NUDCD3: variants seen among roughly 807,000 people sequenced by gnomAD.
NUDCD3 encodes nudC domain-containing protein 3.
Under a neutral mutation model 39.7 loss-of-function variants are expected in NUDCD3, and 13 were observed. That is an observed-to-expected ratio of 0.33 (90% confidence interval 0.21 to 0.52). NUDCD3 has a LOEUF of 0.52. Among genes scored for constraint, NUDCD3 ranks in the 20% least tolerant of loss-of-function variants. NUDCD3 has a pLI of 0.96. For synonymous variants in NUDCD3, 175 were observed against 172.4 expected, an observed-to-expected ratio of 1.02 and a Z score of -0.12; for missense variants, 453 against 458.1, an observed-to-expected ratio of 0.99 and a Z score of 0.10.
At chr7:44,413,782 G>A (rs943640028) in intron 3 of NUDCD3, among the ~76,000 whole-genome samples, 5 of 152,186 alleles carry the variant, frequency 3.3e-5, no homozygotes, top group African/African-American at 1.2e-4. Context: ...GCCGGGTGTG[G>A]TGGCTCACGC....
intron 4 of NUDCD3, among the ~76,000 whole-genome samples, chr7:44,395,908 T>G (rs1034994076): frequency 1.3e-5 from 2 of 152,250 alleles, no homozygotes; most frequent in Non-Finnish European, 2.9e-5. Flanking sequence ...TTTGAGTCCC[T>G]GTTTTCAATT....
At chr7:44,390,060 A>G (rs976466338) in intron 5 of NUDCD3, among the ~76,000 whole-genome samples, 7 of 152,154 alleles carry the variant, frequency 4.6e-5, no homozygotes, top group Non-Finnish European at 1.0e-4. Context: ...TCATGCCTCA[A>G]CAGCTAAAGT....
rs972056439 is a variant in NUDCD3, at chr7:44,450,209, G to A, written c.510-22506C>T. Among the ~76,000 whole-genome samples, 5 of 149,100 alleles carry A rather than the reference G, an allele frequency of 3.4e-5. No homozygotes were observed. The South Asian group carries it at 8.5e-4, about 25-fold the overall frequency. Reference sequence around the variant, plus strand: ...TTTTTTTTTTTTGACACAGAGTCTCGCTTTATCGCCCAGGCTGGAGTGCAG... The same window carrying A: ...TTTTTTTTTTTTGACACAGAGTCTCACTTTATCGCCCAGGCTGGAGTGCAG... On this transcript the variant is annotated intron_variant, in intron 2 of 5. Coordinates refer to ENST00000355451, the MANE Select transcript of NUDCD3 (RefSeq NM_015332.4).
Position 44,455,118 on chromosome 7 carries a change from T to C in NUDCD3, c.510-27415A>G, listed in dbSNP as rs1314548018. ...TCTATCCTTCTCCCTTCAGAGACAG[T>C]AACTACCACTTGTAAGATGCTGACT... On this transcript the variant is annotated intron_variant, in intron 2 of 5. Transcript: ENST00000355451. Among the ~76,000 whole-genome samples the C allele has an allele frequency of 2.6e-5, 4 of 152,124 alleles. No individual in the cohort carries two copies. The East Asian group carries it at 7.7e-4, about 29-fold the overall frequency.
Position 44,485,096 on chromosome 7 carries a change from A to C in NUDCD3, c.381T>G (p.His127Gln). Residue 127 changes from histidine to glutamine, a missense_variant, in exon 2 of 6, where the codon CAT becomes CAG. His to Gln is a conservative substitution (Grantham distance 24, BLOSUM62 0). Transcript: ENST00000355451. Reference sequence around the variant, plus strand: ...GAGGCTGCACTTTCTCTACTTCCTGATGCCCATCCAATTCTGTGGTGGAGT... The same window carrying C: ...GAGGCTGCACTTTCTCTACTTCCTGCTGCCCATCCAATTCTGTGGTGGAGT... ...EIDSTTELDGHQEVEKVQPPG... is the reference protein window; with the variant it reads ...EIDSTTELDGQQEVEKVQPPG... 1 of 1,614,158 alleles carries C rather than the reference A, an allele frequency of 6.2e-7. No individual in the cohort carries two copies. The highest frequency in any genetic ancestry group is 1.1e-5 in the South Asian group (1 of 91,082).
At chr7:44,392,165 C>G in intron 5 of NUDCD3, 132 bp downstream of exon 5, 2 of 811,222 alleles carry the variant, frequency 2.5e-6, no homozygotes, top group Non-Finnish European at 2.0e-6. Context: ...CCTTGCTAGG[C>G]TAGGACATGG....
intron 2 of NUDCD3, among the ~76,000 whole-genome samples, chr7:44,480,154 C>A (rs971973903): frequency 6.6e-6 from 1 of 152,258 alleles, no homozygotes; most frequent in East Asian, 1.9e-4. Flanking sequence ...TAACCCAGAA[C>A]AAAATTCACT....
intron 2 of NUDCD3, among the ~76,000 whole-genome samples, chr7:44,459,513 A>C (rs908677707): frequency 6.6e-6 from 1 of 152,224 alleles, no homozygotes; most frequent in African/African-American, 2.4e-5. Context: ...TTCTAATATT[A>C]TAATTGTCTA....
chr7:44,452,444 G>A (rs1799811073), intron 2 of NUDCD3, among the ~76,000 whole-genome samples: 1 of 152,140 alleles, frequency 6.6e-6, no homozygotes, highest in Non-Finnish European at 1.5e-5. Context: ...AAAGAGAAGG[G>A]ACTCCTTTAC....
intron 2 of NUDCD3, among the ~76,000 whole-genome samples, chr7:44,446,415 T>C (rs1023940592): frequency 3.3e-5 from 5 of 152,224 alleles, no homozygotes; most frequent in African/African-American, 1.2e-4. Flanking sequence ...TTCTCATTAG[T>C]TACAAGCTGC....
At chr7:44,459,595 G>C (rs1799968657) in intron 2 of NUDCD3, among the ~76,000 whole-genome samples, 2 of 152,124 alleles carry the variant, frequency 1.3e-5, no homozygotes, top group South Asian at 2.1e-4. Context: ...GATAGAACTG[G>C]ATAATTCTAT....
At chr7:44,415,938 A>C (rs1799012628) in intron 3 of NUDCD3, among the ~76,000 whole-genome samples, 1 of 152,246 alleles carries the variant, frequency 6.6e-6, no homozygotes, top group South Asian at 2.1e-4. Flanking sequence ...TGGCCAGGCC[A>C]GAAAGAAAGT....
At chr7:44,448,199 G>C (rs973915777) in intron 2 of NUDCD3, among the ~76,000 whole-genome samples, 3 of 152,140 alleles carry the variant, frequency 2.0e-5, no homozygotes, top group African/African-American at 7.2e-5. Flanking sequence ...TTGCTGCACG[G>C]CTGCCTGCCT....
intron 5 of NUDCD3, among the ~76,000 whole-genome samples, chr7:44,391,484 G>C (rs1798514156): frequency 6.6e-6 from 1 of 152,166 alleles, no homozygotes. Flanking sequence ...GAGACAAAAT[G>C]AGAAGAAAAT....
At chr7:44,464,528 A>G (rs935509661) in intron 2 of NUDCD3, among the ~76,000 whole-genome samples, 12 of 151,816 alleles carry the variant, frequency 7.9e-5, no homozygotes, top group Non-Finnish European at 1.3e-4. Context: ...ATCTCGGCTC[A>G]TTGCAACCTC....
At chr7:44,456,158 C>CA (rs1401549726) in intron 2 of NUDCD3, among the ~76,000 whole-genome samples, 1 of 146,352 alleles carries the variant, frequency 6.8e-6, no homozygotes, top group East Asian at 2.0e-4. Flanking sequence ...GATTAGAGAA[C>CA]ATAGCCGAGG....
intron 3 of NUDCD3, 56 bp downstream of exon 3, chr7:44,427,515 A>G: frequency 6.4e-7 from 1 of 1,574,664 alleles, no homozygotes; most frequent in South Asian, 1.2e-5. Flanking sequence ...TCTTCCCTGC[A>G]ACAGCTTTGA....
chr7:44,459,703 C>T (rs1254077392), intron 2 of NUDCD3, among the ~76,000 whole-genome samples: 2 of 152,296 alleles, frequency 1.3e-5, no homozygotes, highest in East Asian at 3.9e-4. Context: ...GATACCATTG[C>T]TAAAAGCAAC....
At chr7:44,403,861 A>C (rs1176322252) in intron 4 of NUDCD3, among the ~76,000 whole-genome samples, 3 of 152,328 alleles carry the variant, frequency 2.0e-5, no homozygotes, top group African/African-American at 7.2e-5. Flanking sequence ...GCCTCAATTT[A>C]TCTGTAGGTG....
Sources: allele counts gnomAD v4.1 joint callset (sites outside exome capture counted in the v4.1 genomes callset), GRCh38; gene constraint gnomAD v4.1.1; transcripts MANE v1.5; gene names NCBI Gene and HGNC (gene_info 2026-07-23, HGNC 2026-07-21).